MLLT6: variants seen among roughly 807,000 people sequenced by gnomAD.
The protein encoded by MLLT6 is protein AF-17.
In MLLT6, 22 loss-of-function variants were observed where a neutral mutation model predicts 103.0. That is an observed-to-expected ratio of 0.21 (90% CI 0.15 to 0.31). The LOEUF (loss-of-function observed/expected upper bound fraction) is 0.31, where lower values mean the gene tolerates loss of function less well. Ranked by LOEUF, MLLT6 falls within the 10% of genes least tolerant of loss-of-function variation. MLLT6 has a pLI of 1.00. For synonymous variants in MLLT6, 606 were observed against 623.5 expected (o/e 0.97, Z 0.42); for missense variants, 1,199 against 1,441.7 (o/e 0.83, Z 2.73).
At position 38,724,777 on chromosome 17, in the gene MLLT6, C is replaced by T; in HGVS notation, c.3041C>T (p.Pro1014Leu). Residue 1014 changes from proline (P) to leucine (L), a missense_variant, in exon 19 of 20, where the codon CCC (proline) becomes CTC (leucine). Around this residue, in one of 7 missense-constraint regions of MLLT6, gnomAD observed 1,034 missense variants for 1,091.5 expected, o/e 0.95. Transcript: ENST00000621332. The surrounding 1 kb of genome is among the most constrained non-coding windows in gnomAD (Gnocchi z 5.4). ...TCTGCGGGTACCCCTGGCCTGCTGC[C>T]CACAGCGTCTGCTCCACCCCTGCTG... ...LLSAGTPGLL[P>L]TASAPPLLPA... The T allele has an allele frequency of 1.2e-6, 2 of 1,607,726 alleles. No individual in the cohort carries two copies. Among genetic ancestry groups the T allele is most frequent in the Non-Finnish European group, 1.7e-6 (2 of 1,177,526 alleles).
intron 2 of MLLT6, 85 bp from the exon 3 acceptor site, chr17:38,707,401 A>C: frequency 7.4e-7 from 1 of 1,353,948 alleles, no homozygotes. Flanking sequence ...AGAGCTTAGC[A>C]TTTCAGCCTG....
chr17:38,725,157 A>G (rs1905957960), intron 19 of MLLT6, 181 bp downstream of exon 19: 1 of 569,152 alleles, frequency 1.8e-6, no homozygotes, highest in African/African-American at 1.9e-5. Flanking sequence ...TGCACGGCCA[A>G]GAAAGATCCG....
intron 12 of MLLT6, 82 bp from the exon 13 acceptor site, chr17:38,719,435 C>G: frequency 2.4e-6 from 3 of 1,227,768 alleles, no homozygotes; most frequent in Non-Finnish European, 3.5e-6. Context: ...GGTGAGGTCC[C>G]AATCCCATAT....
rs1264756268 is a variant in MLLT6, at chr17:38,705,375, CATT to C, written c.-257_-255del. ...GGGGGCGAGCCCGGCGTGCGAGTCTCATTGTTGTGGGGGGGGCCCGTCGGGGCA... is the reference window on the plus strand; with the variant it reads ...GGGGGCGAGCCCGGCGTGCGAGTCTCGTTGTGGGGGGGGCCCGTCGGGGCA... On this transcript the variant is annotated 5_prime_UTR_variant, in exon 1 of 20. Transcript: ENST00000621332. 6.2e-5 allele frequency among the ~76,000 whole-genome samples: 9 copies of C among 144,196 alleles called. No homozygotes were observed. Among genetic ancestry groups the C allele is most frequent in the Middle Eastern group, 3.7e-3 (1 of 268 alleles). 94.6% of individuals were successfully genotyped at this position (144,196 alleles called of 152,430 possible).
At position 38,722,767 on chromosome 17, in the gene MLLT6, C is replaced by T. The variant is rs758258501; in HGVS notation, c.2882C>T (p.Pro961Leu). 9.9e-6 allele frequency: 16 copies of T among 1,610,396 alleles called. No individual in the cohort carries two copies. The highest frequency in any genetic ancestry group is 2.2e-5 in the East Asian group (1 of 44,818). Residue 961 changes from proline (P) to leucine (L), a missense_variant and splice_region_variant, in exon 18 of 20, where the codon CCG becomes CTG. By Grantham distance (98) the Pro-to-Leu change is moderately conservative (BLOSUM62 -3). Coordinates refer to ENST00000621332, the MANE Select transcript of MLLT6 (RefSeq NM_005937.4). ...CTCCTGGCCTCCCCGCAGCTGACCC[C>T]GGTAATGCCCCTCCCTTCCCTGCCT... ...QQLLASPQLT[P>L]EHQTVVYQMI...
In MLLT6 at chr17:38,707,045, C is replaced by T. The variant is rs564886947; in HGVS notation, c.189+16C>T. 3 of 1,601,788 alleles carry T rather than the reference C, an allele frequency of 1.9e-6. No homozygotes were observed. Among genetic ancestry groups the T allele is most frequent in the Admixed American group, 1.7e-5 (1 of 59,672 alleles). On this transcript the variant is annotated intron_variant, in intron 2 of 19. Transcript: ENST00000621332. ...AGCCAGGGTGGTGAGTTCCAGACTG[C>T]CCCTCTCCACTCCCCTGCCCCTCCC...
intron 6 of MLLT6, 126 bp from the exon 7 acceptor site, chr17:38,711,721 G>A: frequency 8.6e-7 from 1 of 1,165,928 alleles, no homozygotes; most frequent in Non-Finnish European, 1.2e-6. Flanking sequence ...GAGGACATGA[G>A]GTCCTCTTAG....
At chr17:38,721,548 A>G (rs1231102034) in intron 16 of MLLT6, among the ~76,000 whole-genome samples, 3 of 152,178 alleles carry the variant, frequency 2.0e-5, no homozygotes, top group East Asian at 1.9e-4. Context: ...GCAAGAATCA[A>G]TGGCTTCACC....
At chr17:38,719,458 G>A (rs927454997) in intron 12 of MLLT6, 59 bp from the exon 13 acceptor site, 5 of 1,427,744 alleles carry the variant, frequency 3.5e-6, no homozygotes, top group Non-Finnish European at 1.9e-6. Context: ...ATCTGGGGGC[G>A]GGGACCCTGA....
At chr17:38,718,286 A>G in intron 12 of MLLT6, 1 of 227,516 alleles carries the variant, frequency 4.4e-6, no homozygotes, top group Non-Finnish European at 8.6e-6. Context: ...GAGGCAGGAG[A>G]ATTGCTTGAA....
chr17:38,716,593 G>A lies in MLLT6; in HGVS notation c.1263G>A (p.Ala421=), dbSNP rs765867436. The change falls in exon 10 of 20, where the codon GCG becomes GCA. Residue 421 remains alanine (A), a synonymous_variant. Transcript: ENST00000621332. The surrounding 1 kb of genome is among the most constrained non-coding windows in gnomAD (Gnocchi z 5.6). ...CCTCCAGCTCAGGCCGGGCCCGGGC[G>A]CCCTCCCCTGGGGACTATAAGTCTC... ...TTTSSSGRAR[A]PSPGDYKSPH... is the part of the protein sequence containing the mutation. The A allele has an allele frequency of 2.0e-5, 33 of 1,613,880 alleles. No homozygotes were observed. In the East Asian group the frequency reaches 2.9e-4, roughly 14 times the overall value.
At position 38,716,020 on chromosome 17, in the gene MLLT6, C is replaced by G; in HGVS notation, c.1036+192C>G. The G allele has an allele frequency of 1.6e-6, 1 of 631,238 alleles. No homozygotes were observed. Among genetic ancestry groups the G allele is most frequent in the Admixed American group, 2.9e-5 (1 of 33,926 alleles). The allele number at this position is 631,238 out of a possible 1,614,324, so 39.1% of individuals were successfully genotyped here. A position where few individuals can be genotyped will look rare whatever the true frequency, so the allele number is the denominator to read the frequency against. On this transcript the variant is annotated intron_variant, in intron 9 of 19. Coordinates refer to ENST00000621332, the MANE Select transcript of MLLT6 (RefSeq NM_005937.4). The surrounding 1 kb of genome is among the most constrained non-coding windows in gnomAD (Gnocchi z 5.6). ...CTTCTTGAACCAGAACTCTCCTCTC[C>G]CCTTCAGGGGCCACCCCACCAACCT...
rs1904869859 is a variant in MLLT6 at position 38,705,624 on chromosome 17, C to G, written c.-9C>G. ...CCCCGCCCCAGCCCCGGAGGGAGCT[C>G]ATGGGAGTATGAAGGAGATGGTAGG... is the stretch of plus-strand genomic sequence containing the variant. On this transcript the variant is annotated 5_prime_UTR_variant, in exon 1 of 20. Coordinates refer to ENST00000621332, the MANE Select transcript of MLLT6 (RefSeq NM_005937.4). 2.0e-6 allele frequency: 3 copies of G among 1,486,272 alleles called. No homozygotes were observed. The highest frequency in any genetic ancestry group is 1.8e-5 in the Admixed American group (1 of 54,216). The allele number at this position is 1,486,272 out of a possible 1,614,324, so 92.1% of individuals were successfully genotyped here.
At position 38,709,343 on chromosome 17, in the gene MLLT6, C is replaced by T. The variant is rs991134499; in HGVS notation, c.458+67C>T. 1.9e-5 allele frequency: 27 copies of T among 1,448,468 alleles called. No individual in the cohort carries two copies. Among genetic ancestry groups the T allele is most frequent in the Admixed American group, 6.7e-5 (4 of 59,750 alleles). The allele number at this position is 1,448,468 out of a possible 1,614,324, so 89.7% of individuals were successfully genotyped here. A position where few individuals can be genotyped will look rare whatever the true frequency, so the allele number is the denominator to read the frequency against. On this transcript the variant is annotated intron_variant, in intron 5 of 19. Coordinates refer to ENST00000621332, the MANE Select transcript of MLLT6 (RefSeq NM_005937.4). The surrounding 1 kb of genome is among the most constrained non-coding windows in gnomAD (Gnocchi z 4.3). ...TGGATGGCCACTGATCAGGCTCATC[C>T]TAGCTGCTGTCCCTTTGATGGTGGT...
chr17:38,721,237 T>C, intron 16 of MLLT6: 1 of 175,566 alleles, frequency 5.7e-6, no homozygotes, highest in South Asian at 1.2e-4. Context: ...ACTGGGTTCT[T>C]GTTCTCTCTC....
chr17:38,711,281 T>A (rs1905132938), intron 6 of MLLT6, among the ~76,000 whole-genome samples: 1 of 152,024 alleles, frequency 6.6e-6, no homozygotes, highest in Non-Finnish European at 1.5e-5. Context: ...TGGGTTGTGT[T>A]GATGTTTAAC....
rs1166966924 is a variant in MLLT6 at position 38,720,394 on chromosome 17, G to A, written c.2178G>A (p.Leu726=). ...CAGTCGTGGAGATGCTGAAGGCGCTGCACGCGCTGCAGAAGGAGAACCAGC... is the reference window on the plus strand; with the variant it reads ...CAGTCGTGGAGATGCTGAAGGCGCTACACGCGCTGCAGAAGGAGAACCAGC... The part of the protein sequence containing the change: ...GVNIVEMLKA[L]HALQKENQRL... The change falls in exon 15 of 20, where the codon CTG becomes CTA. Residue 726 remains leucine, a synonymous_variant. Transcript: ENST00000621332. 9 of 1,610,816 alleles carry A rather than the reference G, an allele frequency of 5.6e-6. No individual in the cohort carries two copies. The South Asian group carries it at 8.8e-5, about 16-fold the overall frequency.
At chr17:38,706,631 C>T (rs777250132) in intron 1 of MLLT6, 1 of 274,208 alleles carries the variant, frequency 3.6e-6, no homozygotes, top group African/African-American at 2.2e-5. Flanking sequence ...CTGGTTTTCT[C>T]TATTTCTGAT....
intron 10 of MLLT6, 117 bp from the exon 11 acceptor site, chr17:38,717,315 G>T (rs2143690629): frequency 2.4e-6 from 2 of 841,284 alleles, no homozygotes; most frequent in Non-Finnish European, 3.8e-6. Context: ...TTAGACTGGG[G>T]CATGTAGCCA....
Sources: allele counts gnomAD v4.1 joint callset (sites outside exome capture counted in the v4.1 genomes callset), GRCh38; gene constraint gnomAD v4.1.1; regional missense constraint gnomAD v4.1.1; non-coding constraint Gnocchi (gnomAD v3.1); transcripts MANE v1.5; gene names NCBI Gene and HGNC (gene_info 2026-07-23, HGNC 2026-07-21).